Variants in AFF2 observed in about 807,000 individuals in gnomAD.
The protein encoded by AFF2 is ALF transcription elongation factor 2.
In AFF2, 14 loss-of-function variants were observed where a neutral mutation model predicts 76.9. The ratio of observed to expected loss-of-function variants is 0.18; its 90% confidence interval spans 0.12 to 0.28. The LOEUF (loss-of-function observed/expected upper bound fraction) is 0.28. Among genes scored for constraint, AFF2 ranks in the 10% least tolerant of loss-of-function variants. The probability of loss-of-function intolerance (pLI) is 1.00; values close to 1 mark genes in which losing one functional copy is unlikely to be tolerated. For missense variants in AFF2, 868 were observed against 1,001.1 expected (o/e 0.87, Z 1.79); for synonymous variants, 398 against 366.7 (o/e 1.09, Z -0.98).
In AFF2 at chrX:148,553,809, T is replaced by C. The variant is rs782057676; in HGVS notation, c.47+52665T>C. On this transcript the variant is annotated intron_variant, in intron 1 of 20. Transcript: ENST00000370460. ...CTGAGAATTTGCCAATGAAGGACAA[T>C]CTACAGAGTGCTCCCAAGAGAAAGG... 3.1e-3 allele frequency among the ~76,000 whole-genome samples: 346 copies of C among 112,343 alleles called. 1 individual carries two copies. The highest frequency in any genetic ancestry group is 5.2e-3 in the Non-Finnish European group (278 of 53,248).
chrX:148,907,555 T>C (rs892414697), intron 9 of AFF2, among the ~76,000 whole-genome samples: 27 of 111,382 alleles, frequency 2.4e-4, no homozygotes, highest in African/African-American at 8.8e-4. Flanking sequence ...GGTTCTGTGA[T>C]GCCCCCCAAG....
At chrX:148,765,887 A>G (rs1478251204) in intron 3 of AFF2, among the ~76,000 whole-genome samples, 4 of 77,715 alleles carry the variant, frequency 5.1e-5, no homozygotes, top group Admixed American at 3.9e-4. Flanking sequence ...CCAGAGTGTG[A>G]TGTTCCCCTT....
Position 148,754,158 on chromosome X carries a change from G to A in AFF2, c.1042-55718G>A, listed in dbSNP as rs187553692. ...CTATTTTCCAAATCCTATTAGAAGA[G>A]CACTAACATACAAAACACATTGATT... On this transcript the variant is annotated intron_variant, in intron 3 of 20. Coordinates refer to ENST00000370460, the MANE Select transcript of AFF2 (RefSeq NM_002025.4). Among the ~76,000 whole-genome samples the A allele has an allele frequency of 1.9e-3, 212 of 111,458 alleles. 2 individuals carry two copies. The highest frequency in any genetic ancestry group is 6.4e-3 in the African/African-American group (196 of 30,736).
chrX:148,887,621 C>T (rs1434992785), intron 8 of AFF2, among the ~76,000 whole-genome samples: 1 of 111,853 alleles, frequency 8.9e-6, no homozygotes, highest in African/African-American at 3.2e-5. Flanking sequence ...GGTATATTCA[C>T]TGACTTTTTG....
chrX:148,832,931 A>G (rs995701478), intron 4 of AFF2, among the ~76,000 whole-genome samples: 1 of 111,959 alleles, frequency 8.9e-6, no homozygotes, highest in Admixed American at 9.5e-5. Flanking sequence ...TATGTGAACT[A>G]TCATCATCAT....
intron 3 of AFF2, among the ~76,000 whole-genome samples, chrX:148,699,253 A>G (rs1222153372): frequency 8.9e-6 from 1 of 112,032 alleles, no homozygotes; most frequent in Non-Finnish European, 1.9e-5. Context: ...GTGTTTTTGT[A>G]TGTGCAATGT....
At chrX:148,738,065 C>A (rs1218399105) in intron 3 of AFF2, among the ~76,000 whole-genome samples, 1 of 110,864 alleles carries the variant, frequency 9.0e-6, no homozygotes, top group Non-Finnish European at 1.9e-5. Flanking sequence ...TCAAGGATAT[C>A]GGTCTGTAGT....
At chrX:148,859,266 T>G (rs2070820224) in intron 7 of AFF2, among the ~76,000 whole-genome samples, 1 of 108,918 alleles carries the variant, frequency 9.2e-6, no homozygotes, top group African/African-American at 3.3e-5. Context: ...TAATGGTTAC[T>G]GGGCTTAATA....
intron 11 of AFF2, 29 bp from the exon 12 acceptor site, chrX:148,958,308 A>G: frequency 8.3e-7 from 1 of 1,208,762 alleles, no homozygotes; most frequent in Non-Finnish European, 1.1e-6. Flanking sequence ...ATGCATTTCA[A>G]GCTCTGTGTA....
chrX:148,836,430 C>T (rs1303999312), intron 4 of AFF2, among the ~76,000 whole-genome samples: 2 of 111,148 alleles, frequency 1.8e-5, no homozygotes, highest in African/African-American at 6.6e-5. Flanking sequence ...TTTAGTGCTA[C>T]CTGAGAGTTC....
intron 11 of AFF2, among the ~76,000 whole-genome samples, chrX:148,957,119 T>A (rs973487898): frequency 3.6e-5 from 4 of 112,124 alleles, no homozygotes; most frequent in Non-Finnish European, 7.5e-5. Flanking sequence ...AGTATACTCA[T>A]AAGGTGAAAT....
At chrX:148,513,382 C>T (rs925043187) in intron 1 of AFF2, among the ~76,000 whole-genome samples, 1 of 111,591 alleles carries the variant, frequency 9.0e-6, no homozygotes, top group African/African-American at 3.3e-5. Flanking sequence ...GATTTCAATG[C>T]CAAGACCTGG....
chrX:148,625,884 C>G (rs941896045), intron 1 of AFF2, among the ~76,000 whole-genome samples: 2 of 111,648 alleles, frequency 1.8e-5, no homozygotes, highest in African/African-American at 3.3e-5. Flanking sequence ...GCCATTAACT[C>G]CCATCAGTTA....
intron 1 of AFF2, among the ~76,000 whole-genome samples, chrX:148,636,427 T>G (rs1557253825): frequency 8.9e-6 from 1 of 112,222 alleles, no homozygotes; most frequent in Non-Finnish European, 1.9e-5. Context: ...TGGCTACATT[T>G]TTGTTGTTGA....
intron 3 of AFF2, among the ~76,000 whole-genome samples, chrX:148,744,933 G>A (rs1373669871): frequency 9.0e-6 from 1 of 111,200 alleles, no homozygotes; most frequent in Non-Finnish European, 1.9e-5. Flanking sequence ...ACTGGTGAGG[G>A]AAGGATTCAA....
chrX:148,850,522 A>AC (rs1289610682), intron 7 of AFF2, among the ~76,000 whole-genome samples: 2 of 110,854 alleles, frequency 1.8e-5, no homozygotes, highest in Non-Finnish European at 3.8e-5. Context: ...GTGATAACAC[A>AC]CCCCCACACA....
rs187099207 is a variant in AFF2 at position 148,887,646 on chromosome X, C to T, written c.1359+1661C>T. ...CTGACTTTTTGTAAGTGCTGAGACT[C>T]TCAGATGATCAGGATTGGTGGGTTG... On this transcript the variant is annotated intron_variant, in intron 8 of 20. Transcript: ENST00000370460. 3.2e-3 allele frequency among the ~76,000 whole-genome samples: 362 copies of T among 111,787 alleles called. 1 individual carries two copies. Among genetic ancestry groups the T allele is most frequent in the Non-Finnish European group, 5.3e-3 (280 of 53,145 alleles).
At chrX:148,518,022 C>CAAA (rs543248775) in intron 1 of AFF2, among the ~76,000 whole-genome samples, 1 of 38,604 alleles carries the variant, frequency 2.6e-5, no homozygotes, top group Non-Finnish European at 5.0e-5. Flanking sequence ...GACTCCGTCT[C>CAAA]AAAAAAAAAA....
chrX:148,769,947 C>T (rs782806140), intron 3 of AFF2, among the ~76,000 whole-genome samples: 98 of 111,149 alleles, frequency 8.8e-4, no homozygotes, highest in Non-Finnish European at 1.4e-3. Flanking sequence ...AAAGGTATGC[C>T]GTCTTTAGAA....
Sources: gnomAD v4.1 joint callset for allele counts (sites outside exome capture counted in the v4.1 genomes callset) on GRCh38, gnomAD v4.1.1 for gene constraint, MANE v1.5 for transcripts, NCBI Gene and HGNC (gene_info 2026-07-23, HGNC 2026-07-21) for gene names.